KLHL7: variants seen among roughly 807,000 people sequenced by gnomAD.
KLHL7 encodes kelch like family member 7.
A neutral mutation model predicts 67.4 loss-of-function variants in KLHL7; 44 were observed. The ratio of observed to expected loss-of-function variants is 0.65; its 90% CI spans 0.51 to 0.84. The LOEUF is 0.84. Among genes scored for constraint, KLHL7 ranks in the 40% least tolerant of loss-of-function variants. The pLI is 0.00. For missense variants in KLHL7, 362 were observed against 718.1 expected (o/e 0.50, Z 5.67); for synonymous variants, 252 against 243.3 (o/e 1.04, Z -0.33).
At chr7:23,108,401 C>G (rs1782732506) in intron 1 of KLHL7, among the ~76,000 whole-genome samples, 1 of 152,150 alleles carries the variant, frequency 6.6e-6, no homozygotes, top group Admixed American at 6.5e-5. Context: ...CATTTCTAGC[C>G]TTTTGTTTCT....
chr7:23,107,501 C>T (rs1279783702), intron 1 of KLHL7, among the ~76,000 whole-genome samples: 1 of 152,142 alleles, frequency 6.6e-6, no homozygotes, highest in East Asian at 1.9e-4. Flanking sequence ...AAAGCATTGC[C>T]TTAATCCCTA....
intron 7 of KLHL7, 56 bp from the exon 8 acceptor site, chr7:23,165,642 C>G: frequency 6.3e-7 from 1 of 1,587,908 alleles, no homozygotes. Flanking sequence ...TTTGCATTGT[C>G]CTTTTCAGTT....
intron 6 of KLHL7, among the ~76,000 whole-genome samples, chr7:23,151,691 A>G (rs1227723024): frequency 6.6e-6 from 1 of 152,220 alleles, no homozygotes; most frequent in African/African-American, 2.4e-5. Context: ...GGTCCCAGGT[A>G]TCAATAGTTT....
chr7:23,106,958 A>G (rs1164154032), intron 1 of KLHL7, among the ~76,000 whole-genome samples: 2 of 151,914 alleles, frequency 1.3e-5, no homozygotes, highest in African/African-American at 2.4e-5. Flanking sequence ...ATTTGTGGGA[A>G]TGTTTGGGTT....
rs1314740850 is a variant in KLHL7, at chr7:23,175,107, C to G, written c.*809C>G. 5 of 453,982 alleles carry G rather than the reference C, an allele frequency of 1.1e-5. No individual in the cohort carries two copies. Among genetic ancestry groups the G allele is most frequent in the Non-Finnish European group, 2.2e-5 (5 of 226,744 alleles). 28.1% of individuals were successfully genotyped at this position (453,982 alleles called of 1,614,324 possible). On this transcript the variant is annotated 3_prime_UTR_variant, in exon 11 of 11. Transcript: ENST00000339077. ...AGCTATTTATAGCAAATTTCTAGATCATTAGAAAAGCACTGGTAGTTGTAC... is the reference window on the plus strand; with the variant it reads ...AGCTATTTATAGCAAATTTCTAGATGATTAGAAAAGCACTGGTAGTTGTAC...
intron 1 of KLHL7, chr7:23,117,978 C>T: frequency 2.5e-6 from 4 of 1,613,886 alleles, no homozygotes; most frequent in Non-Finnish European, 3.4e-6. Flanking sequence ...AGTCATTCCT[C>T]AGTCTTCTCT....
chr7:23,139,570 G>A (rs1389892884), intron 4 of KLHL7, among the ~76,000 whole-genome samples: 1 of 152,218 alleles, frequency 6.6e-6, no homozygotes, highest in Non-Finnish European at 1.5e-5. Flanking sequence ...TTTTACAAAG[G>A]AGGTGGAAAA....
intron 9 of KLHL7, chr7:23,171,143 G>A (rs1341063285): frequency 8.7e-6 from 3 of 344,756 alleles, no homozygotes; most frequent in East Asian, 1.1e-4. Context: ...TTGACCTTGT[G>A]ATCTGCCCAC....
intron 4 of KLHL7, among the ~76,000 whole-genome samples, chr7:23,130,618 C>T (rs1186540231): frequency 1.3e-5 from 2 of 152,084 alleles, no homozygotes; most frequent in African/African-American, 4.8e-5. Flanking sequence ...TGGATAAGTT[C>T]TTGCACCACA....
At chr7:23,115,543 T>G (rs1783048965) in intron 1 of KLHL7, among the ~76,000 whole-genome samples, 1 of 151,960 alleles carries the variant, frequency 6.6e-6, no homozygotes, top group South Asian at 2.1e-4. Flanking sequence ...TTTGGGTTTT[T>G]TTTGTTTGTT....
At chr7:23,146,769 T>C (rs1033482092) in intron 6 of KLHL7, among the ~76,000 whole-genome samples, 4 of 152,026 alleles carry the variant, frequency 2.6e-5, no homozygotes, top group Non-Finnish European at 5.9e-5. Context: ...ATACCATTAT[T>C]GAAAAATTCA....
intron 1 of KLHL7, among the ~76,000 whole-genome samples, chr7:23,114,325 C>A (rs188715831): frequency 9.8e-5 from 15 of 152,336 alleles, no homozygotes; most frequent in Admixed American, 9.1e-4. Context: ...GCTTATCAAG[C>A]AAAGCCTCAT....
In KLHL7 at chr7:23,105,807, C is replaced by T. The variant is rs1315030803; in HGVS notation, c.-220C>T. On this transcript the variant is annotated 5_prime_UTR_variant, in exon 1 of 11. Coordinates refer to ENST00000339077, the MANE Select transcript of KLHL7 (RefSeq NM_001031710.3). Reference sequence around the variant, plus strand: ...CTCGGGTTCTGCCCGGGGACGCAGCCCAGTTGGTAGCGTCGCTCCCTGAGC... The same window carrying T: ...CTCGGGTTCTGCCCGGGGACGCAGCTCAGTTGGTAGCGTCGCTCCCTGAGC... 1.8e-5 allele frequency: 11 copies of T among 626,084 alleles called. No individual in the cohort carries two copies. The highest frequency in any genetic ancestry group is 9.0e-5 in the South Asian group (5 of 55,662). 38.8% of individuals were successfully genotyped at this position (626,084 alleles called of 1,614,324 possible).
intron 5 of KLHL7, among the ~76,000 whole-genome samples, chr7:23,142,502 A>T (rs7791200): frequency 0.45 from 68,410 of 151,916 alleles, 17,748 homozygotes; most frequent in African/African-American, 0.72. Flanking sequence ...GGTTGACTTA[A>T]ATGCAGTATG....
At chr7:23,124,037 G>GA (rs900263131) in intron 2 of KLHL7, among the ~76,000 whole-genome samples, 158 bp downstream of exon 2, 3 of 151,588 alleles carry the variant, frequency 2.0e-5, no homozygotes, top group Non-Finnish European at 4.4e-5. Flanking sequence ...ATAACCAAAG[G>GA]AAAAAATGTC....
chr7:23,106,586 A>C, intron 1 of KLHL7: 13 of 1,038,996 alleles, frequency 1.3e-5, no homozygotes, highest in Non-Finnish European at 1.4e-5. Flanking sequence ...GCTGCTCTTA[A>C]ATAAGGATCC....
chr7:23,168,934 G>A (rs907088358), intron 9 of KLHL7, among the ~76,000 whole-genome samples: 1 of 152,130 alleles, frequency 6.6e-6, no homozygotes, highest in Non-Finnish European at 1.5e-5. Context: ...AAACATGGAA[G>A]TCTTCAACTC....
In KLHL7 at chr7:23,141,009, T is replaced by C. The variant is rs185100911; in HGVS notation, c.618+65T>C. 3.1e-6 allele frequency: 4 copies of C among 1,291,772 alleles called. No individual in the cohort carries two copies. In the African/African-American group the frequency reaches 4.4e-5, roughly 14 times the overall value. The allele number at this position is 1,291,772 out of a possible 1,614,324, so 80.0% of individuals were successfully genotyped here. Reference sequence around the variant, plus strand: ...GTCTTTATTGGTTTCTTAAAACTCATGTTTGGACACATGACAAGGGAAAGA... The same window carrying C: ...GTCTTTATTGGTTTCTTAAAACTCACGTTTGGACACATGACAAGGGAAAGA... On this transcript the variant is annotated intron_variant, in intron 5 of 10. Coordinates refer to ENST00000339077, the MANE Select transcript of KLHL7 (RefSeq NM_001031710.3).
intron 4 of KLHL7, chr7:23,125,974 A>T: frequency 1.2e-6 from 1 of 828,690 alleles, no homozygotes; most frequent in South Asian, 1.4e-5. Flanking sequence ...ATACATGCCT[A>T]TGATGAAGTT....
Sources: allele counts gnomAD v4.1 joint callset (sites outside exome capture counted in the v4.1 genomes callset), GRCh38; gene constraint gnomAD v4.1.1; transcripts MANE v1.5; gene names NCBI Gene and HGNC (gene_info 2026-07-23, HGNC 2026-07-21).